ADIPOR2: variants seen among roughly 807,000 people sequenced by gnomAD.
The protein encoded by ADIPOR2 is adiponectin receptor 2, also known as adiponectin receptor protein 2.
A neutral mutation model predicts 40.9 loss-of-function variants in ADIPOR2; 18 were observed. That is an observed-to-expected ratio of 0.44 (90% CI 0.30 to 0.65). The LOEUF (loss-of-function observed/expected upper bound fraction) is 0.65, where lower values mean the gene tolerates loss of function less well. Among genes scored for constraint, ADIPOR2 ranks in the 30% least tolerant of loss-of-function variants. The pLI is 0.09. For missense variants in ADIPOR2, 283 were observed against 479.2 expected, an observed-to-expected ratio of 0.59 and a Z score of 3.82; for synonymous variants, 165 against 166.4, an observed-to-expected ratio of 0.99 and a Z score of 0.06.
chr12:1,718,924 A>G (rs1180424396), intron 1 of ADIPOR2, among the ~76,000 whole-genome samples: 2 of 152,222 alleles, frequency 1.3e-5, no homozygotes, highest in South Asian at 2.1e-4. Context: ...GTGATACAAC[A>G]TGTTGCCTAC....
chr12:1,740,216 A>G (rs2094739651), intron 1 of ADIPOR2, among the ~76,000 whole-genome samples: 1 of 152,248 alleles, frequency 6.6e-6, no homozygotes, highest in Non-Finnish European at 1.5e-5. Context: ...GAAAAATGCT[A>G]AAGTGATGTG....
At chr12:1,752,605 C>T (rs1051059594) in intron 1 of ADIPOR2, among the ~76,000 whole-genome samples, 1 of 152,158 alleles carries the variant, frequency 6.6e-6, no homozygotes, top group African/African-American at 2.4e-5. Flanking sequence ...CTGGGTATAA[C>T]ACAGCTGCTT....
chr12:1,750,222 G>T (rs980712982), intron 1 of ADIPOR2, among the ~76,000 whole-genome samples: 2 of 152,026 alleles, frequency 1.3e-5, no homozygotes, highest in Non-Finnish European at 2.9e-5. Context: ...AAATGGTATT[G>T]TTAAAAATTT....
intron 2 of ADIPOR2, among the ~76,000 whole-genome samples, chr12:1,766,255 A>G (rs1315513033): frequency 6.6e-6 from 1 of 152,234 alleles, no homozygotes; most frequent in African/African-American, 2.4e-5. Flanking sequence ...CAGATGTAAT[A>G]CGATGCCTGT....
intron 1 of ADIPOR2, among the ~76,000 whole-genome samples, chr12:1,714,369 G>A (rs1421705482): frequency 6.6e-6 from 1 of 152,084 alleles, no homozygotes; most frequent in African/African-American, 2.4e-5. Context: ...ATTTTGTTCA[G>A]GGGCCAGGGC....
At chr12:1,722,887 G>C (rs1001157594) in intron 1 of ADIPOR2, among the ~76,000 whole-genome samples, 2 of 152,184 alleles carry the variant, frequency 1.3e-5, no homozygotes, top group Admixed American at 1.3e-4. Flanking sequence ...CACTTTGACT[G>C]TAGATGCAGA....
chr12:1,715,414 C>T (rs1030719838), intron 1 of ADIPOR2, among the ~76,000 whole-genome samples: 12 of 152,054 alleles, frequency 7.9e-5, no homozygotes, highest in African/African-American at 2.2e-4. Context: ...GTCCCAGTGG[C>T]TTAGGATGCA....
chr12:1,710,184 G>T (rs2094673389), intron 1 of ADIPOR2, among the ~76,000 whole-genome samples: 1 of 152,174 alleles, frequency 6.6e-6, no homozygotes, highest in South Asian at 2.1e-4. Context: ...CAATCAGCAG[G>T]ATATGGGCGG....
chr12:1,693,420 A>G (rs2094631431), intron 1 of ADIPOR2, among the ~76,000 whole-genome samples: 1 of 152,230 alleles, frequency 6.6e-6, no homozygotes, highest in Non-Finnish European at 1.5e-5. Flanking sequence ...GTTATTTACA[A>G]GTACACCACT....
intron 2 of ADIPOR2, among the ~76,000 whole-genome samples, chr12:1,770,219 A>G (rs12828908): frequency 0.32 from 48,125 of 152,100 alleles, 8,322 homozygotes; most frequent in East Asian, 0.49. Context: ...ACTTAGCCTG[A>G]TAATCAGAAT....
At chr12:1,781,767 C>T (rs887925916) in intron 6 of ADIPOR2, among the ~76,000 whole-genome samples, 1 of 152,204 alleles carries the variant, frequency 6.6e-6, no homozygotes, top group African/African-American at 2.4e-5. Flanking sequence ...GTCCTTAAAC[C>T]CCCAAAACCA....
intron 6 of ADIPOR2, 81 bp downstream of exon 6, chr12:1,781,157 G>A (rs972239207): frequency 3.2e-5 from 44 of 1,386,184 alleles, no homozygotes; most frequent in Non-Finnish European, 3.9e-5. Flanking sequence ...TCTACCATTT[G>A]CCAAACATTA....
At chr12:1,759,147 A>G (rs996021383) in intron 2 of ADIPOR2, among the ~76,000 whole-genome samples, 1 of 152,218 alleles carries the variant, frequency 6.6e-6, no homozygotes, top group Non-Finnish European at 1.5e-5. Context: ...AAGTTGTTGC[A>G]GACCTCGTTT....
chr12:1,716,184 C>T (rs1223163970), intron 1 of ADIPOR2, among the ~76,000 whole-genome samples: 6 of 152,184 alleles, frequency 3.9e-5, no homozygotes, highest in Admixed American at 6.5e-5. Flanking sequence ...TTGGTTTTGA[C>T]GACTTTACTA....
At chr12:1,701,014 C>T (rs1469344060) in intron 1 of ADIPOR2, among the ~76,000 whole-genome samples, 3 of 151,796 alleles carry the variant, frequency 2.0e-5, no homozygotes, top group Non-Finnish European at 4.4e-5. Context: ...TAGCATGTTC[C>T]CATATTTCTC....
chr12:1,701,795 G>A (rs2094650694), intron 1 of ADIPOR2, among the ~76,000 whole-genome samples: 1 of 152,096 alleles, frequency 6.6e-6, no homozygotes, highest in Admixed American at 6.6e-5. Flanking sequence ...GAATCATTGT[G>A]CTTACATTTA....
chr12:1,781,222 T>G lies in ADIPOR2; in HGVS notation c.838+146T>G, dbSNP rs578060729. ...AAATCATAGTTCCTATTGTTGGGGGTTTTTTTATGTAGTAGTCGTAGTAGT... is the reference window on the plus strand; with the variant it reads ...AAATCATAGTTCCTATTGTTGGGGGGTTTTTTATGTAGTAGTCGTAGTAGT... On this transcript the variant is annotated intron_variant, in intron 6 of 7. Coordinates refer to ENST00000357103, the MANE Select transcript of ADIPOR2 (RefSeq NM_024551.3). 9.7e-5 allele frequency: 86 copies of G among 888,692 alleles called. No homozygotes were observed. In the East Asian group the frequency reaches 2.4e-3, roughly 25 times the overall value. 55.1% of individuals were successfully genotyped at this position (888,692 alleles called of 1,614,324 possible).
chr12:1,731,249 T>C (rs916161542), intron 1 of ADIPOR2, among the ~76,000 whole-genome samples: 3 of 152,132 alleles, frequency 2.0e-5, no homozygotes, highest in Non-Finnish European at 1.5e-5. Flanking sequence ...CGGCATCTTA[T>C]TATGTTGTCT....
At chr12:1,729,837 G>A (rs571549881) in intron 1 of ADIPOR2, among the ~76,000 whole-genome samples, 2 of 151,992 alleles carry the variant, frequency 1.3e-5, no homozygotes, top group Non-Finnish European at 2.9e-5. Flanking sequence ...ATACTGGGCC[G>A]TAAGAAAGCA....
Sources: gnomAD v4.1 joint callset for allele counts (sites outside exome capture counted in the v4.1 genomes callset) on GRCh38, gnomAD v4.1.1 for gene constraint, MANE v1.5 for transcripts, NCBI Gene and HGNC (gene_info 2026-07-23, HGNC 2026-07-21) for gene names.